DNAH8: variants seen among roughly 807,000 people sequenced by gnomAD.
DNAH8 encodes the protein axonemal beta dynein heavy chain 8.
In DNAH8, 382 loss-of-function variants were observed where a neutral mutation model predicts 562.1. That is an observed-to-expected ratio of 0.68 (90% CI 0.63 to 0.74). The LOEUF (loss-of-function observed/expected upper bound fraction) is 0.74, where lower values mean the gene tolerates loss of function less well. Ranked by LOEUF, DNAH8 falls within the 30% of genes least tolerant of loss-of-function variation. The probability of loss-of-function intolerance (pLI) is 0.00; values close to 1 mark genes in which losing one functional copy is unlikely to be tolerated. For missense variants in DNAH8, 5,203 were observed against 5,620.4 expected (o/e 0.93, Z 2.37); for synonymous variants, 1,881 against 1,919.4 (o/e 0.98, Z 0.52).
At chr6:38,807,900 C>G (rs971332463) in intron 24 of DNAH8, among the ~76,000 whole-genome samples, 184 bp downstream of exon 24, 1 of 152,178 alleles carries the variant, frequency 6.6e-6, no homozygotes, top group Non-Finnish European at 1.5e-5. Context: ...ATTCCCAACA[C>G]CCTGCCTGAG....
Position 38,883,315 on chromosome 6 carries a change from A to G in DNAH8, c.8002-7A>G. 2 of 1,604,386 alleles carry G rather than the reference A, an allele frequency of 1.2e-6. No individual in the cohort carries two copies. The highest frequency in any genetic ancestry group is 1.3e-5 in the African/African-American group (1 of 74,604). On this transcript the variant is annotated splice_region_variant and splice_polypyrimidine_tract_variant and intron_variant, in intron 54 of 92. Transcript: ENST00000327475. ...CACATTTCAACACTATTATCCTATG[A>G]TTGCAGGCTGTTTTGCTCACAGGAG...
At chr6:38,825,123 A>G (rs1329075127) in intron 28 of DNAH8, among the ~76,000 whole-genome samples, 2 of 151,958 alleles carry the variant, frequency 1.3e-5, no homozygotes, top group East Asian at 3.9e-4. Context: ...TTATAAAGAG[A>G]GGGGAGGGTG....
rs1678737 is a variant in DNAH8, at chr6:38,842,537, G to A, written c.4604+32G>A. 254,230 of 1,605,048 alleles carry A rather than the reference G, an allele frequency of 0.16. 23,272 individuals carry two copies. The highest frequency in any genetic ancestry group is 0.37 in the African/African-American group (27,633 of 74,546). On this transcript the variant is annotated intron_variant, in intron 34 of 92. Transcript: ENST00000327475. ...TTCAATGGAATTTTTTATAATGCCT[G>A]TCTTCTTAGGATCCTATAGGTATTT...
chr6:38,887,033 T>C (rs1778981789), intron 57 of DNAH8, 29 bp downstream of exon 57: 2 of 1,468,228 alleles, frequency 1.4e-6, no homozygotes, highest in East Asian at 2.3e-5. Context: ...TTTATTTTAT[T>C]GCATTACATA....
intron 88 of DNAH8, among the ~76,000 whole-genome samples, chr6:39,000,775 G>A (rs1169531582): frequency 2.6e-5 from 4 of 152,124 alleles, no homozygotes; most frequent in South Asian, 2.1e-4. Context: ...GAATCATCCC[G>A]AAACTTTTCC....
At chr6:38,840,126 A>G (rs1774656346) in intron 33 of DNAH8, among the ~76,000 whole-genome samples, 1 of 152,234 alleles carries the variant, frequency 6.6e-6, no homozygotes. Flanking sequence ...GAGCATATCC[A>G]TGCTGTAAAT....
At chr6:38,914,634 G>A (rs977012395) in intron 67 of DNAH8, among the ~76,000 whole-genome samples, 4 of 152,008 alleles carry the variant, frequency 2.6e-5, no homozygotes, top group African/African-American at 9.7e-5. Flanking sequence ...ACAGGCATGA[G>A]CCATGGTGCC....
chr6:38,990,858 A>G (rs898163334), intron 88 of DNAH8, among the ~76,000 whole-genome samples: 3 of 152,194 alleles, frequency 2.0e-5, no homozygotes, highest in African/African-American at 4.8e-5. Flanking sequence ...ACCAAACCCA[A>G]GCACCTGAAC....
chr6:38,773,865 A>T (rs553559244), intron 12 of DNAH8, among the ~76,000 whole-genome samples: 1 of 152,308 alleles, frequency 6.6e-6, no homozygotes, highest in East Asian at 1.9e-4. Flanking sequence ...GTGCACTAAG[A>T]GCCTATTAGG....
intron 49 of DNAH8, among the ~76,000 whole-genome samples, chr6:38,870,945 T>C (rs1182203025): frequency 1.3e-5 from 2 of 152,204 alleles, no homozygotes; most frequent in East Asian, 3.9e-4. Context: ...GAGTGCTATT[T>C]TGCTCCTGCT....
chr6:38,863,888 G>A lies in DNAH8; in HGVS notation c.6326G>A (p.Gly2109Asp). The change falls in exon 45 of 93, where the codon GGT (glycine) becomes GAT (aspartate). Residue 2109 changes from glycine (G) to aspartate (D), a missense_variant. Gly to Asp is a moderately conservative substitution (Grantham distance 94). Around this residue, in one of 6 missense-constraint regions of DNAH8, gnomAD observed 2,176 missense variants for 2,365.1 expected, o/e 0.92. Coordinates refer to ENST00000327475, the MANE Select transcript of DNAH8 (RefSeq NM_001206927.2). ...GRIFKGLAQS[G>D]SWGCFDEFNR... ...TTCATGCCAGGTCTTGCACAGTCGG[G>A]TTCCTGGGGCTGTTTTGATGAGTTT... The A allele has an allele frequency of 1.3e-6, 2 of 1,596,962 alleles. No individual in the cohort carries two copies. The highest frequency in any genetic ancestry group is 1.7e-6 in the Non-Finnish European group (2 of 1,175,952).
intron 77 of DNAH8, among the ~76,000 whole-genome samples, chr6:38,937,617 C>T (rs1252351272): frequency 6.6e-6 from 1 of 152,106 alleles, no homozygotes; most frequent in Non-Finnish European, 1.5e-5. Flanking sequence ...AGGAGAGCCA[C>T]CAAGATGACA....
intron 88 of DNAH8, among the ~76,000 whole-genome samples, chr6:39,008,539 A>G (rs756155648): frequency 1.3e-5 from 2 of 152,136 alleles, no homozygotes; most frequent in African/African-American, 2.4e-5. Context: ...ATGGTGAAGA[A>G]GCGATTTGGA....
At chr6:38,986,221 G>T (rs751234162) in intron 87 of DNAH8, among the ~76,000 whole-genome samples, 24 of 152,160 alleles carry the variant, frequency 1.6e-4, no homozygotes, top group Admixed American at 2.6e-4. Flanking sequence ...TCCATCATGG[G>T]GAAATAGTTA....
rs1370549589 is a variant in DNAH8 at position 38,725,404 on chromosome 6, G to A, written c.525+1933G>A. 7.9e-5 allele frequency among the ~76,000 whole-genome samples: 12 copies of A among 151,934 alleles called. No homozygotes were observed. The South Asian group carries it at 1.5e-3, about 18-fold the overall frequency. On this transcript the variant is annotated intron_variant, in intron 3 of 92. Transcript: ENST00000327475. ...TGCAAAATTGTCTGCGCTTCATGTC[G>A]TCCAGTATCCTTATAAGAATGTGGT...
Position 38,926,225 on chromosome 6 carries a change from G to C in DNAH8, c.11118+15G>C, listed in dbSNP as rs753327456. 1 of 1,608,776 alleles carries C rather than the reference G, an allele frequency of 6.2e-7. No homozygotes were observed. On this transcript the variant is annotated intron_variant, in intron 74 of 92. Coordinates refer to ENST00000327475, the MANE Select transcript of DNAH8 (RefSeq NM_001206927.2). ...ATGATTTACAGGTATGTAGCATTTGGTGCAGGGGAAAGTAATCTTGAAATC... is the reference window on the plus strand; with the variant it reads ...ATGATTTACAGGTATGTAGCATTTGCTGCAGGGGAAAGTAATCTTGAAATC...
intron 20 of DNAH8, 148 bp from the exon 21 acceptor site, chr6:38,791,406 TA>T: frequency 9.9e-7 from 1 of 1,007,528 alleles, no homozygotes; most frequent in Non-Finnish European, 1.4e-6. Flanking sequence ...GATGTCCTCC[TA>T]AAATGTTCAC....
rs1370483989 is a variant in DNAH8, at chr6:39,008,752, C to A, written c.13215-62C>A. The A allele has an allele frequency of 1.2e-5, 10 of 834,624 alleles. No individual in the cohort carries two copies. The East Asian group carries it at 1.7e-4, about 14-fold the overall frequency. 51.7% of individuals were successfully genotyped at this position (834,624 alleles called of 1,614,324 possible). A position where few individuals can be genotyped will look rare whatever the true frequency, so the allele number is the denominator to read the frequency against. On this transcript the variant is annotated intron_variant, in intron 88 of 92. Coordinates refer to ENST00000327475, the MANE Select transcript of DNAH8 (RefSeq NM_001206927.2). ...GTGATTCTATCAGTTCATTTTAACA[C>A]TTGACACTTATCTCTTACATGTTTC...
In DNAH8 at chr6:38,894,659, A is replaced by C. The variant is rs750745584; in HGVS notation, c.8584-42A>C. ...TAAAAGTAATTCTACTTTTAGTTGT[A>C]TCTGAAAACTAACTGAGAGTATTAC... On this transcript the variant is annotated intron_variant, in intron 58 of 92. Coordinates refer to ENST00000327475, the MANE Select transcript of DNAH8 (RefSeq NM_001206927.2). 2.0e-6 allele frequency: 3 copies of C among 1,502,232 alleles called. No individual in the cohort carries two copies. The African/African-American group carries it at 4.1e-5, about 21-fold the overall frequency. 93.1% of individuals were successfully genotyped at this position (1,502,232 alleles called of 1,614,324 possible).
Sources: gnomAD v4.1 joint callset for allele counts (sites outside exome capture counted in the v4.1 genomes callset) on GRCh38, gnomAD v4.1.1 for gene constraint, gnomAD v4.1.1 regional missense constraint, MANE v1.5 for transcripts, NCBI Gene and HGNC (gene_info 2026-07-23, HGNC 2026-07-21) for gene names.